Variants in STIM1 observed in about 807,000 individuals in gnomAD.
STIM1 encodes stromal interaction molecule 1.
STIM1 carries 25 observed loss-of-function variants against 74.7 expected under a neutral mutation model. The ratio of observed to expected loss-of-function variants is 0.33; its 90% CI spans 0.24 to 0.47. The LOEUF is 0.47. Among genes scored for constraint, STIM1 ranks in the 20% least tolerant of loss-of-function variants. The probability of loss-of-function intolerance (pLI) is 1.00; values close to 1 mark genes in which losing one functional copy is unlikely to be tolerated. For synonymous variants in STIM1, 328 were observed against 348.8 expected (o/e 0.94, Z 0.66); for missense variants, 728 against 920.8 (o/e 0.79, Z 2.71).
intron 2 of STIM1, among the ~76,000 whole-genome samples, chr11:4,007,377 C>A (rs2135942101): frequency 6.6e-6 from 1 of 152,248 alleles, no homozygotes; most frequent in South Asian, 2.1e-4. Context: ...TAAACTTTGT[C>A]TTAAATCAGA....
chr11:4,089,628 C>G (rs1180504044), intron 12 of STIM1, among the ~76,000 whole-genome samples: 1 of 152,194 alleles, frequency 6.6e-6, no homozygotes, highest in African/African-American at 2.4e-5. Context: ...TCTCTGCTGC[C>G]TGCTGAGTCC....
At chr11:3,892,322 G>T in intron 1 of STIM1, 2 of 900,206 alleles carry the variant, frequency 2.2e-6, no homozygotes, top group Non-Finnish European at 1.8e-6. Context: ...AGCAAATGGG[G>T]TGGAGGGGTG....
chr11:3,943,172 G>C (rs1318126750), intron 1 of STIM1, among the ~76,000 whole-genome samples: 1 of 152,134 alleles, frequency 6.6e-6, no homozygotes, highest in Non-Finnish European at 1.5e-5. Context: ...GCCAAGCTCT[G>C]AGGGCATCTT....
intron 2 of STIM1, among the ~76,000 whole-genome samples, chr11:3,984,815 TTGCCATGA>T (rs1325340604): frequency 6.6e-6 from 1 of 152,156 alleles, no homozygotes; most frequent in Non-Finnish European, 1.5e-5. Context: ...AAGATACTCT[TTGCCATGA>T]ACAAGCCCTA....
intron 3 of STIM1, among the ~76,000 whole-genome samples, chr11:4,044,607 C>T (rs974063262): frequency 1.1e-4 from 16 of 152,124 alleles, no homozygotes; most frequent in Admixed American, 7.2e-4. Flanking sequence ...CCAAACCCTA[C>T]CTAGATAGGG....
chr11:3,895,311 C>T (rs1241279133), intron 1 of STIM1, among the ~76,000 whole-genome samples: 2 of 152,186 alleles, frequency 1.3e-5, no homozygotes, highest in Admixed American at 1.3e-4. Context: ...AGTGCAAATA[C>T]TCCTTCCCTT....
chr11:3,854,854 G>A (rs1295627885), upstream of STIM1: 1 of 152,292 alleles, frequency 6.6e-6, no homozygotes, highest in African/African-American at 2.4e-5. Flanking sequence ...AATGTGTAGG[G>A]GAATTTTAGC....
intron 1 of STIM1, among the ~76,000 whole-genome samples, chr11:3,965,515 C>T (rs1042555986): frequency 6.6e-6 from 1 of 152,108 alleles, no homozygotes; most frequent in African/African-American, 2.4e-5. Flanking sequence ...CTCTAATATG[C>T]AATTATATAT....
chr11:4,076,069 C>G (rs933534493), intron 7 of STIM1, among the ~76,000 whole-genome samples: 32 of 152,118 alleles, frequency 2.1e-4, no homozygotes, highest in African/African-American at 7.0e-4. Flanking sequence ...AGTCTTTTGT[C>G]AATATAAATA....
At chr11:3,858,539 T>C (rs896651309) in intron 1 of STIM1, among the ~76,000 whole-genome samples, 1 of 152,182 alleles carries the variant, frequency 6.6e-6, no homozygotes, top group Non-Finnish European at 1.5e-5. Flanking sequence ...TCCCCTTGGG[T>C]CTACCTGGGG....
chr11:4,052,379 C>T (rs938225369), intron 3 of STIM1, among the ~76,000 whole-genome samples: 4 of 152,146 alleles, frequency 2.6e-5, no homozygotes, highest in African/African-American at 7.2e-5. Context: ...GGTACCGGTA[C>T]CAAAACAGAG....
At chr11:3,855,171 G>T (rs1030395423), upstream of STIM1, 1 of 152,368 alleles carries the variant, frequency 6.6e-6, no homozygotes, top group Non-Finnish European at 1.5e-5. Flanking sequence ...GGAGTTGGGG[G>T]CTGGGAGCTC....
At chr11:3,974,940 G>C (rs888977057) in intron 2 of STIM1, among the ~76,000 whole-genome samples, 6 of 152,158 alleles carry the variant, frequency 3.9e-5, no homozygotes, top group Non-Finnish European at 8.8e-5. Context: ...TTTGAGAGCA[G>C]TGCTATTTTC....
intron 2 of STIM1, among the ~76,000 whole-genome samples, chr11:4,010,240 G>C (rs562978338): frequency 6.7e-6 from 1 of 149,514 alleles, no homozygotes; most frequent in Admixed American, 6.7e-5. Context: ...GCATGATCTC[G>C]ACTCACTACA....
intron 3 of STIM1, among the ~76,000 whole-genome samples, chr11:4,030,179 A>C (rs1263046028): frequency 6.6e-6 from 1 of 152,100 alleles, no homozygotes; most frequent in South Asian, 2.1e-4. Context: ...AAATACAAAA[A>C]TTAGCCAGGT....
At position 3,979,249 on chromosome 11, in the gene STIM1, G is replaced by A. The variant is rs148833315; in HGVS notation, c.270+11567G>A. Among the ~76,000 whole-genome samples the A allele has an allele frequency of 2.0e-3, 297 of 152,180 alleles. 1 individual carries two copies. The highest frequency in any genetic ancestry group is 3.4e-3 in the Non-Finnish European group (228 of 68,020). On this transcript the variant is annotated intron_variant, in intron 2 of 12. Coordinates refer to ENST00000526596, the MANE Select transcript of STIM1 (RefSeq NM_001382567.1). ...CTCACTTTCTTATATTCAGATAGCTGTAGACAACCCTTAAGTGTTCTGCCT... is the reference window on the plus strand; with the variant it reads ...CTCACTTTCTTATATTCAGATAGCTATAGACAACCCTTAAGTGTTCTGCCT...
rs1565173612 is a variant in STIM1, at chr11:4,090,632, C to T, written c.1635-650C>T. Among the ~76,000 whole-genome samples the T allele has an allele frequency of 2.0e-5, 3 of 152,206 alleles. No individual in the cohort carries two copies. In the South Asian group the frequency reaches 6.2e-4, roughly 31 times the overall value. On this transcript the variant is annotated intron_variant, in intron 12 of 12. Coordinates refer to ENST00000526596, the MANE Select transcript of STIM1 (RefSeq NM_001382567.1). The stretch of plus-strand genomic sequence containing the variant: ...CCTGTTCCTTGGGGCCTGGCCCAGA[C>T]TGGATAATATCCTAAGGTGTGACAG...
Position 3,901,761 on chromosome 11 carries a change from A to G in STIM1, c.139+45352A>G, listed in dbSNP as rs370303491. ...TTTATTGTTTGCCTAAGCCTTCTTCATTTTTTTCTTTTGAGATAGCATCTC... is the reference window on the plus strand; with the variant it reads ...TTTATTGTTTGCCTAAGCCTTCTTCGTTTTTTTCTTTTGAGATAGCATCTC... On this transcript the variant is annotated intron_variant, in intron 1 of 12. Coordinates refer to ENST00000526596, the MANE Select transcript of STIM1 (RefSeq NM_001382567.1). 1.9e-4 allele frequency among the ~76,000 whole-genome samples: 29 copies of G among 152,174 alleles called. No individual in the cohort carries two copies. The East Asian group carries it at 4.6e-3, about 24-fold the overall frequency.
chr11:3,894,840 G>T (rs1038725128), intron 1 of STIM1, among the ~76,000 whole-genome samples: 6 of 151,394 alleles, frequency 4.0e-5, no homozygotes, highest in African/African-American at 1.5e-4. Context: ...CCGGGTTCAA[G>T]CAATTCTCCT....
Sources: allele counts gnomAD v4.1 joint callset (sites outside exome capture counted in the v4.1 genomes callset), GRCh38; gene constraint gnomAD v4.1.1; transcripts MANE v1.5; gene names NCBI Gene and HGNC (gene_info 2026-07-23, HGNC 2026-07-21).